Variants in NLGN4X observed in about 807,000 individuals in gnomAD.
NLGN4X encodes the protein neuroligin-4, X-linked.
NLGN4X carries 3 observed loss-of-function variants against 40.3 expected under a neutral mutation model. The ratio of observed to expected loss-of-function variants is 0.07; its 90% confidence interval spans 0.03 to 0.19. NLGN4X has a LOEUF of 0.19. Ranked by LOEUF, NLGN4X falls within the 10% of genes least tolerant of loss-of-function variation. NLGN4X has a pLI of 1.00. For synonymous variants in NLGN4X, 270 were observed against 306.8 expected (o/e 0.88, Z 1.25); for missense variants, 382 against 708.3 (o/e 0.54, Z 5.23).
intron 1 of NLGN4X, among the ~76,000 whole-genome samples, chrX:6,207,833 C>T (rs1405889100): frequency 9.0e-6 from 1 of 111,580 alleles, no homozygotes; most frequent in African/African-American, 3.2e-5. Context: ...AAATTAAAAA[C>T]GATATTATAA....
At chrX:5,956,201 CA>C (rs2034490940) in intron 3 of NLGN4X, among the ~76,000 whole-genome samples, 3 of 107,141 alleles carry the variant, frequency 2.8e-5, no homozygotes, top group African/African-American at 1.0e-4. Flanking sequence ...TATATACACA[CA>C]TATATATAAT....
chrX:6,008,205 T>C (rs1164523560), intron 3 of NLGN4X, among the ~76,000 whole-genome samples: 1 of 112,233 alleles, frequency 8.9e-6, no homozygotes, highest in Non-Finnish European at 1.9e-5. Context: ...ATTTTTCATG[T>C]TCGCAAACTG....
chrX:6,064,618 G>A (rs375554333), intron 2 of NLGN4X, among the ~76,000 whole-genome samples: 17 of 111,264 alleles, frequency 1.5e-4, no homozygotes, highest in African/African-American at 5.5e-4. Context: ...ATGGAAGCAG[G>A]GGACAAGCAT....
intron 2 of NLGN4X, among the ~76,000 whole-genome samples, chrX:6,147,180 T>G (rs1238811670): frequency 9.0e-6 from 1 of 111,696 alleles, no homozygotes; most frequent in Non-Finnish European, 1.9e-5. Flanking sequence ...GCCCCTGAAA[T>G]CTTTCAAGAA....
chrX:5,979,732 A>G (rs5961393), intron 3 of NLGN4X, among the ~76,000 whole-genome samples: 4 of 76,460 alleles, frequency 5.2e-5, no homozygotes, highest in East Asian at 4.0e-4. Context: ...ATATGTGTGT[A>G]TATATACACA....
chrX:5,989,572 T>C (rs1303488835), intron 3 of NLGN4X, among the ~76,000 whole-genome samples: 2 of 112,702 alleles, frequency 1.8e-5, no homozygotes, highest in Non-Finnish European at 3.7e-5. Context: ...ATTGCTAAAC[T>C]TTTGCTATTG....
At position 6,129,345 on chromosome X, in the gene NLGN4X, C is replaced by T. The variant is rs184399039; in HGVS notation, c.472+21650G>A. On this transcript the variant is annotated intron_variant, in intron 2 of 5. Transcript: ENST00000381095. ...ACTAGCCATGCACAGAGAAGGTCAG[C>T]AAGTCACCCCATGAAACAGAAAAGG... Among the ~76,000 whole-genome samples the T allele has an allele frequency of 3.6e-3, 397 of 111,588 alleles. 4 individuals carry two copies. Among genetic ancestry groups the T allele is most frequent in the African/African-American group, 0.012 (382 of 30,695 alleles).
intron 2 of NLGN4X, among the ~76,000 whole-genome samples, chrX:6,065,085 G>C (rs1317268224): frequency 9.1e-6 from 1 of 110,468 alleles, no homozygotes; most frequent in Non-Finnish European, 1.9e-5. Context: ...GCCCAAAAAG[G>C]GGAACAATAA....
At chrX:6,225,681 CTTTTTTTCTTTTTTTTTTTTTTTT>C (rs1926175611) in intron 1 of NLGN4X, among the ~76,000 whole-genome samples, 9 of 33,805 alleles carry the variant, frequency 2.7e-4, no homozygotes, top group Non-Finnish European at 3.0e-4. Flanking sequence ...TTTTTTCTTT[CTTTTTTTCTTTTTTTTTTTTTTTT>C]TTTTTTTTTT....
At chrX:5,905,977 C>T (rs1264350089) in intron 4 of NLGN4X, among the ~76,000 whole-genome samples, 6 of 111,846 alleles carry the variant, frequency 5.4e-5, no homozygotes, top group Non-Finnish European at 1.1e-4. Flanking sequence ...TTTCATAATT[C>T]GTGATTATAT....
chrX:6,211,312 G>A (rs1454856737), intron 1 of NLGN4X, among the ~76,000 whole-genome samples: 1 of 111,471 alleles, frequency 9.0e-6, no homozygotes, highest in African/African-American at 3.3e-5. Flanking sequence ...TTAGAGGCGG[G>A]AGGGGTGTGG....
chrX:6,077,698 A>T (rs2147388772), intron 2 of NLGN4X, among the ~76,000 whole-genome samples: 1 of 111,580 alleles, frequency 9.0e-6, no homozygotes, highest in Non-Finnish European at 1.9e-5. Context: ...CTGTATTTTT[A>T]ATCTGCCTTC....
At chrX:6,212,782 T>C (rs1378187587) in intron 1 of NLGN4X, among the ~76,000 whole-genome samples, 2 of 111,270 alleles carry the variant, frequency 1.8e-5, no homozygotes, top group Non-Finnish European at 3.8e-5. Context: ...TACCATTGAG[T>C]CCCCTCATTT....
intron 1 of NLGN4X, among the ~76,000 whole-genome samples, chrX:6,221,394 TA>T (rs1569306869): frequency 2.9e-4 from 6 of 20,369 alleles, no homozygotes; most frequent in African/African-American, 1.1e-3. Flanking sequence ...TCTTATATTA[TA>T]TATATATATA....
chrX:6,209,145 C>T (rs769431315), intron 1 of NLGN4X, among the ~76,000 whole-genome samples: 69 of 111,778 alleles, frequency 6.2e-4, no homozygotes, highest in Non-Finnish European at 1.3e-4. Context: ...AGTCAAAAAC[C>T]ACATGTCCTC....
chrX:5,902,341 T>C (rs1356894340), intron 5 of NLGN4X, among the ~76,000 whole-genome samples: 2 of 109,698 alleles, frequency 1.8e-5, no homozygotes, highest in Non-Finnish European at 3.8e-5. Context: ...CTGGGCAACA[T>C]AGCAAACCCT....
intron 3 of NLGN4X, among the ~76,000 whole-genome samples, chrX:5,969,700 T>C (rs1371661477): frequency 1.8e-5 from 2 of 110,928 alleles, no homozygotes; most frequent in Non-Finnish European, 3.8e-5. Flanking sequence ...TTATAAATCA[T>C]GCTGCTATAA....
chrX:5,983,066 T>C (rs1166982005), intron 3 of NLGN4X, among the ~76,000 whole-genome samples: 2 of 112,308 alleles, frequency 1.8e-5, no homozygotes, highest in Non-Finnish European at 3.8e-5. Flanking sequence ...CCCAATCTAA[T>C]ATACTTGCCT....
At chrX:6,095,960 A>G (rs1001650341) in intron 2 of NLGN4X, among the ~76,000 whole-genome samples, 2 of 112,387 alleles carry the variant, frequency 1.8e-5, no homozygotes, top group African/African-American at 6.5e-5. Context: ...GCAATGACCA[A>G]TGGTTTGGAG....
Sources: gnomAD v4.1 joint callset for allele counts (sites outside exome capture counted in the v4.1 genomes callset) on GRCh38, gnomAD v4.1.1 for gene constraint, MANE v1.5 for transcripts, NCBI Gene and HGNC (gene_info 2026-07-23, HGNC 2026-07-21) for gene names.